RIMBP2: variants seen among roughly 807,000 people sequenced by gnomAD.
RIMBP2 encodes RIMS-binding protein 2.
A neutral mutation model predicts 118.6 loss-of-function variants in RIMBP2; 48 were observed. The observed-to-expected ratio is 0.40, with a 90% CI of 0.32 to 0.51. The LOEUF is 0.51. Among genes scored for constraint, RIMBP2 ranks in the 20% least tolerant of loss-of-function variants. The pLI, the probability that RIMBP2 is intolerant of heterozygous loss-of-function variation, is 0.41. For synonymous variants in RIMBP2, 762 were observed against 742.9 expected (o/e 1.03, Z -0.42); for missense variants, 1,551 against 1,768.3 (o/e 0.88, Z 2.20).
In RIMBP2 at chr12:130,445,301, G is replaced by A. The variant is rs373120117; in HGVS notation, c.582-32C>T. 1.3e-5 allele frequency: 20 copies of A among 1,524,888 alleles called. No homozygotes were observed. In the African/African-American group the frequency reaches 2.7e-4, roughly 21 times the overall value. The allele number at this position is 1,524,888 out of a possible 1,614,324, so 94.5% of individuals were successfully genotyped here. ...AGAAAACACAGTTCCTTCATTAGAGGCTCTGGAGGACACAGCCCGCACCCC... is the reference window on the plus strand; with the variant it reads ...AGAAAACACAGTTCCTTCATTAGAGACTCTGGAGGACACAGCCCGCACCCC... On this transcript the variant is annotated intron_variant, in intron 9 of 22. Coordinates refer to ENST00000690449, the MANE Select transcript of RIMBP2 (RefSeq NM_001393629.1).
At chr12:130,456,989 G>C (rs2079513201) in intron 6 of RIMBP2, among the ~76,000 whole-genome samples, 1 of 152,230 alleles carries the variant, frequency 6.6e-6, no homozygotes, top group African/African-American at 2.4e-5. Flanking sequence ...TGGCCAATGT[G>C]AGAAACCACA....
intron 2 of RIMBP2, among the ~76,000 whole-genome samples, chr12:130,566,130 CAT>C (rs2057197641): frequency 6.6e-6 from 1 of 152,024 alleles, no homozygotes; most frequent in Non-Finnish European, 1.5e-5. Context: ...GCTCAGTCTG[CAT>C]AGTGTTTAAC....
intron 1 of RIMBP2, among the ~76,000 whole-genome samples, chr12:130,672,458 T>C (rs2064244593): frequency 6.6e-6 from 1 of 152,198 alleles, no homozygotes; most frequent in African/African-American, 2.4e-5. Context: ...GAGGCCTCTT[T>C]TCACTCTCCC....
Position 130,414,230 on chromosome 12 carries a change from C to A in RIMBP2, c.3315G>T (p.Pro1105=), listed in dbSNP as rs138726483. The change falls in exon 18 of 23, where the codon CCG becomes CCT. Residue 1105 remains proline (P), a synonymous_variant. Coordinates refer to ENST00000690449, the MANE Select transcript of RIMBP2 (RefSeq NM_001393629.1). ...SETDPGAEEL[P]ARIFVALFDY... is the part of the protein sequence containing the mutation. ...CAAAGAGAGCCACAAAGATCCGGGC[C>A]GGGAGCTCTTCGGCACCAGGGTCAG... 2.7e-5 allele frequency: 43 copies of A among 1,613,950 alleles called. No individual in the cohort carries two copies. Among genetic ancestry groups the A allele is most frequent in the Non-Finnish European group, 3.5e-5 (41 of 1,179,974 alleles).
chr12:130,459,292 A>G (rs2079762546), intron 6 of RIMBP2, among the ~76,000 whole-genome samples: 1 of 151,476 alleles, frequency 6.6e-6, no homozygotes, highest in Non-Finnish European at 1.5e-5. Context: ...TATATACGAA[A>G]AAAAAAAAAG....
chr12:130,521,525 C>T (rs765283453), intron 2 of RIMBP2, among the ~76,000 whole-genome samples: 18 of 152,220 alleles, frequency 1.2e-4, no homozygotes, highest in African/African-American at 3.4e-4. Context: ...ATCACACAAA[C>T]GCACGCGTGG....
chr12:130,668,411 A>T (rs2064046649), intron 1 of RIMBP2: 1 of 152,250 alleles, frequency 6.6e-6, no homozygotes, highest in Non-Finnish European at 1.5e-5. Flanking sequence ...GAACGTCTGC[A>T]GAGTGCACAG....
At chr12:130,542,026 G>A (rs934523134) in intron 2 of RIMBP2, among the ~76,000 whole-genome samples, 1 of 152,182 alleles carries the variant, frequency 6.6e-6, no homozygotes, top group African/African-American at 2.4e-5. Flanking sequence ...TGGGGGTACA[G>A]CAAAAACCAC....
At chr12:130,650,221 G>A (rs1265541185) in intron 1 of RIMBP2, among the ~76,000 whole-genome samples, 2 of 152,106 alleles carry the variant, frequency 1.3e-5, no homozygotes, top group Admixed American at 1.3e-4. Context: ...TGCCCTTCAT[G>A]TGCAGCGTGG....
intron 2 of RIMBP2, among the ~76,000 whole-genome samples, chr12:130,572,994 C>T (rs1053501866): frequency 4.6e-5 from 7 of 152,106 alleles, no homozygotes; most frequent in African/African-American, 1.4e-4. Context: ...CTGCGAGTGA[C>T]GAAGCCTTCT....
chr12:130,689,596 G>A (rs112730635), intron 1 of RIMBP2, among the ~76,000 whole-genome samples: 4,366 of 152,176 alleles, frequency 0.029, 207 homozygotes, highest in African/African-American at 0.1. Flanking sequence ...TCCCCTGGAC[G>A]TTAGAATAGG....
At chr12:130,423,767 G>A (rs570436742) in intron 16 of RIMBP2, among the ~76,000 whole-genome samples, 6 of 138,980 alleles carry the variant, frequency 4.3e-5, no homozygotes, top group African/African-American at 1.4e-4. Context: ...AAAAACCCTC[G>A]ACAATACTAG....
intron 1 of RIMBP2, among the ~76,000 whole-genome samples, chr12:130,677,635 A>AC (rs377206098): frequency 2.0e-5 from 3 of 151,710 alleles, no homozygotes; most frequent in African/African-American, 4.8e-5. Context: ...CTCAAAAAAA[A>AC]CAAACAAAAA....
At chr12:130,558,901 G>A (rs2056589651) in intron 2 of RIMBP2, among the ~76,000 whole-genome samples, 2 of 152,094 alleles carry the variant, frequency 1.3e-5, no homozygotes. Context: ...TTATTGACTT[G>A]GTCATGAAAT....
chr12:130,612,923 C>T (rs1229504966), intron 2 of RIMBP2, among the ~76,000 whole-genome samples: 3 of 149,158 alleles, frequency 2.0e-5, no homozygotes, highest in Admixed American at 6.7e-5. Flanking sequence ...AAGTCCAGGA[C>T]CTCCCGGGTA....
chr12:130,437,081 C>T lies in RIMBP2; in HGVS notation c.1867G>A (p.Gly623Arg), dbSNP rs751458323. 3 of 1,577,108 alleles carry T rather than the reference C, an allele frequency of 1.9e-6. No homozygotes were observed. Among genetic ancestry groups the T allele is most frequent in the East Asian group, 4.5e-5 (2 of 44,256 alleles). ...APQSKPLASS[G>R]VPETKDEHLG... ...TGCTCGTCTTTGGTTTCGGGGACTCCAGAACTTGCTAATGGCTTTGATTGG... is the reference window on the plus strand; with the variant it reads ...TGCTCGTCTTTGGTTTCGGGGACTCTAGAACTTGCTAATGGCTTTGATTGG... Residue 623 changes from glycine (G) to arginine (R), a missense_variant, in exon 13 of 23, where the codon GGA (glycine) becomes AGA (arginine). Gly to Arg is a moderately radical substitution (Grantham distance 125, BLOSUM62 -2). Coordinates refer to ENST00000690449, the MANE Select transcript of RIMBP2 (RefSeq NM_001393629.1).
chr12:130,696,579 A>G (rs1418896624), intron 1 of RIMBP2, among the ~76,000 whole-genome samples: 9 of 152,246 alleles, frequency 5.9e-5, no homozygotes, highest in South Asian at 2.1e-4. Flanking sequence ...CTGACTCAGC[A>G]TTTTGAGCCA....
chr12:130,520,917 C>T (rs549405621), intron 2 of RIMBP2, among the ~76,000 whole-genome samples: 9 of 152,316 alleles, frequency 5.9e-5, no homozygotes, highest in Non-Finnish European at 1.0e-4. Context: ...GAGCATCCCA[C>T]GTTGTCCATG....
At chr12:130,597,242 T>G (rs1047599016) in intron 2 of RIMBP2, among the ~76,000 whole-genome samples, 1 of 152,146 alleles carries the variant, frequency 6.6e-6, no homozygotes, top group African/African-American at 2.4e-5. Flanking sequence ...GTTTTTATTT[T>G]TATTTATTTA....
Sources: allele counts gnomAD v4.1 joint callset (sites outside exome capture counted in the v4.1 genomes callset), GRCh38; gene constraint gnomAD v4.1.1; transcripts MANE v1.5; gene names NCBI Gene and HGNC (gene_info 2026-07-23, HGNC 2026-07-21).